The following GRP variants were observed in gnomAD, a reference collection of about 807,000 sequenced individuals.
GRP encodes the protein gastrin-releasing peptide.
In GRP, 11 loss-of-function variants were observed where a neutral mutation model predicts 12.7. That is an observed-to-expected ratio of 0.87 (90% confidence interval 0.55 to 1.44). The LOEUF (loss-of-function observed/expected upper bound fraction) is 1.44, where lower values mean the gene tolerates loss of function less well. Among genes scored for constraint, GRP ranks in the 40% most tolerant of loss-of-function variants. The pLI is 0.00. For missense variants in GRP, 212 were observed against 185.4 expected (o/e 1.14, Z -0.83); for synonymous variants, 84 against 77.7 (o/e 1.08, Z -0.43).
In GRP at chr18:59,230,433, C is replaced by T. The variant is rs754415708; in HGVS notation, c.412C>T (p.Arg138Cys). The T allele has an allele frequency of 1.5e-5, 24 of 1,600,354 alleles. No homozygotes were observed. Among genetic ancestry groups the T allele is most frequent in the Non-Finnish European group, 1.7e-5 (20 of 1,167,654 alleles). The change falls in exon 3 of 3, where the codon CGT becomes TGT. Residue 138 changes from arginine (R) to cysteine (C), a missense_variant. Arg to Cys is a radical substitution (Grantham distance 180, BLOSUM62 -3). Transcript: ENST00000256857. ...TAGACTCTCTGCTCCAGGTTCTCAACGTGAAGGAAGGAACCCCCAGCTGAA... is the reference window on the plus strand; with the variant it reads ...TAGACTCTCTGCTCCAGGTTCTCAATGTGAAGGAAGGAACCCCCAGCTGAA... ...VGRLSAPGSQ[R>C]EGRNPQLNQQ
chr18:59,226,991 TCCTTTC>T lies in GRP; in HGVS notation c.382+1258_382+1263del, dbSNP rs1197369522. ...GTTCTGGCTATGTGGTTTCTTTTCT[TCCTTTC>T]TTTCTTTCTTTCTTTCTTTCTTTCT... On this transcript the variant is annotated intron_variant, in intron 2 of 2. Transcript: ENST00000256857. Among the ~76,000 whole-genome samples the T allele has an allele frequency of 1.2e-3, 160 of 134,464 alleles. 3 individuals are homozygous for T. Among genetic ancestry groups the T allele is most frequent in the African/African-American group, 4.8e-3 (158 of 32,846 alleles). 88.2% of individuals were successfully genotyped at this position (134,464 alleles called of 152,430 possible).
intron 1 of GRP, among the ~76,000 whole-genome samples, chr18:59,224,467 C>A (rs1568083503): frequency 6.6e-6 from 1 of 152,208 alleles, no homozygotes; most frequent in Non-Finnish European, 1.5e-5. Context: ...AGTGTTGGAA[C>A]CACAAAGACC....
rs2069950502 is a variant in GRP, at chr18:59,227,051, T to TCC, written c.382+1317_382+1318insCC. 2.2e-5 allele frequency among the ~76,000 whole-genome samples: 3 copies of TCC among 135,560 alleles called. No individual in the cohort carries two copies. In the East Asian group the frequency reaches 5.9e-4, roughly 27 times the overall value. The allele number at this position is 135,560 out of a possible 152,430, so 88.9% of individuals were successfully genotyped here. A position where few individuals can be genotyped will look rare whatever the true frequency, so the allele number is the denominator to read the frequency against. On this transcript the variant is annotated intron_variant, in intron 2 of 2. Coordinates refer to ENST00000256857, the MANE Select transcript of GRP (RefSeq NM_002091.5). ...TTTCTTTCTTTCTTTCTTTCTTTCT[T>TCC]TCTTCCTTTCTTTCTTTTCTTTCCT...
intron 1 of GRP, among the ~76,000 whole-genome samples, chr18:59,221,469 A>C: frequency 1.4e-5 from 2 of 145,712 alleles, no homozygotes; most frequent in African/African-American, 2.6e-5. Flanking sequence ...CAACTTCCTC[A>C]CTCCCCCACC....
chr18:59,224,994 TA>T (rs1003710762), intron 1 of GRP, among the ~76,000 whole-genome samples: 1 of 152,180 alleles, frequency 6.6e-6, no homozygotes, highest in South Asian at 2.1e-4. Flanking sequence ...GAAATATTTT[TA>T]AAAAACCACA....
chr18:59,225,087 G>A (rs2069895251), intron 1 of GRP, among the ~76,000 whole-genome samples: 1 of 152,130 alleles, frequency 6.6e-6, no homozygotes, highest in Non-Finnish European at 1.5e-5. Flanking sequence ...TCTTTCAGCT[G>A]GAAATAGAAT....
intron 2 of GRP, among the ~76,000 whole-genome samples, chr18:59,229,976 T>C (rs1412430849): frequency 6.6e-6 from 1 of 152,216 alleles, no homozygotes; most frequent in Non-Finnish European, 1.5e-5. Flanking sequence ...AAAGTAAGAA[T>C]TGAAATTCCA....
chr18:59,226,766 TC>T (rs1837965185), intron 2 of GRP, among the ~76,000 whole-genome samples: 2 of 152,192 alleles, frequency 1.3e-5, no homozygotes, highest in Admixed American at 6.5e-5. Context: ...AATATTGCTT[TC>T]CACTCACAGT....
intron 2 of GRP, among the ~76,000 whole-genome samples, chr18:59,228,155 G>A (rs2069974164): frequency 6.6e-6 from 1 of 152,162 alleles, no homozygotes. Context: ...AAGTTCCACA[G>A]TTAGTGTTTG....
At chr18:59,229,182 A>G (rs2069990774) in intron 2 of GRP, among the ~76,000 whole-genome samples, 1 of 149,530 alleles carries the variant, frequency 6.7e-6, no homozygotes, top group African/African-American at 2.6e-5. Flanking sequence ...ATGAAGGAGT[A>G]GAGTAAAGTT....
At chr18:59,228,653 A>G (rs1363544897) in intron 2 of GRP, among the ~76,000 whole-genome samples, 4 of 152,252 alleles carry the variant, frequency 2.6e-5, no homozygotes, top group Non-Finnish European at 5.9e-5. Context: ...GCAATGTTCA[A>G]GGTTAACCTT....
At chr18:59,226,282 G>T (rs1318235863) in intron 2 of GRP, among the ~76,000 whole-genome samples, 2 of 152,128 alleles carry the variant, frequency 1.3e-5, no homozygotes, top group Non-Finnish European at 2.9e-5. Flanking sequence ...TTTTATAGAG[G>T]ATAGGGGAAA....
intron 2 of GRP, among the ~76,000 whole-genome samples, chr18:59,227,231 G>A (rs984629801): frequency 6.6e-6 from 1 of 150,948 alleles, no homozygotes; most frequent in African/African-American, 2.4e-5. Flanking sequence ...TTCACTTGTT[G>A]CACTAAGCAC....
upstream of GRP, among the ~76,000 whole-genome samples, chr18:59,219,895 T>C (rs1188583426): frequency 2.0e-5 from 3 of 151,642 alleles, no homozygotes; most frequent in African/African-American, 7.3e-5. Context: ...GTTCACTAAA[T>C]TGTGTTGGAT....
At chr18:59,226,610 C>A (rs767526736) in intron 2 of GRP, among the ~76,000 whole-genome samples, 1 of 152,202 alleles carries the variant, frequency 6.6e-6, no homozygotes, top group Non-Finnish European at 1.5e-5. Flanking sequence ...TAGCTTTTCA[C>A]TGATAAAATC....
chr18:59,228,702 T>C (rs1280351628), intron 2 of GRP, among the ~76,000 whole-genome samples: 1 of 152,338 alleles, frequency 6.6e-6, no homozygotes, highest in East Asian at 1.9e-4. Context: ...ATCTTTTAAT[T>C]CTATTCTGCA....
At chr18:59,219,530 A>G (rs2069793285), upstream of GRP, among the ~76,000 whole-genome samples, 1 of 23,742 alleles carries the variant, frequency 4.2e-5, no homozygotes, top group African/African-American at 2.0e-4. Flanking sequence ...AGAGGAGGGG[A>G]GAGGAGGGGA....
intron 2 of GRP, among the ~76,000 whole-genome samples, chr18:59,227,020 T>TCTTTCTTTCTTTCTTCCTTC (rs1603384255): frequency 6.3e-5 from 9 of 142,030 alleles, no homozygotes; most frequent in East Asian, 6.3e-4. Flanking sequence ...TTTCTTTCTT[T>TCTTTCTTTCTTTCTTCCTTC]CTTTCTTTCT....
chr18:59,222,060 A>C (rs1341271292), intron 1 of GRP, among the ~76,000 whole-genome samples: 2 of 152,252 alleles, frequency 1.3e-5, no homozygotes, highest in Non-Finnish European at 2.9e-5. Context: ...GCTTAGATCA[A>C]GTGGCCATTA....
Sources: gnomAD v4.1 joint callset for allele counts (sites outside exome capture counted in the v4.1 genomes callset) on GRCh38, gnomAD v4.1.1 for gene constraint, MANE v1.5 for transcripts, NCBI Gene and HGNC (gene_info 2026-07-23, HGNC 2026-07-21) for gene names.